The following ZMYM2 variants were observed in gnomAD, a reference collection of about 807,000 sequenced individuals.
ZMYM2 encodes the protein zinc finger MYM-type protein 2.
Under a neutral mutation model 162.8 loss-of-function variants are expected in ZMYM2, and 56 were observed. The observed-to-expected ratio is 0.34, with a 90% CI of 0.28 to 0.43. The LOEUF (loss-of-function observed/expected upper bound fraction) is 0.43. ZMYM2 is among the 20% of genes least tolerant of loss of function. ZMYM2 has a pLI of 1.00. For synonymous variants in ZMYM2, 510 were observed against 541.6 expected, an observed-to-expected ratio of 0.94 and a Z score of 0.81; for missense variants, 1,275 against 1,621.8, an observed-to-expected ratio of 0.79 and a Z score of 3.67.
chr13:19,946,673 C>CAG, the ZMYM2 span, among the ~76,000 whole-genome samples: 3 of 152,174 alleles, frequency 2.0e-5, no homozygotes, highest in African/African-American at 7.2e-5. Flanking sequence ...TGTTGTATCC[C>CAG]TAGCACTTAC....
chr13:19,879,460 A>T, the ZMYM2 span, among the ~76,000 whole-genome samples: 1 of 152,190 alleles, frequency 6.6e-6, no homozygotes, highest in African/African-American at 2.4e-5. Context: ...TAATTTGACC[A>T]TAGCCACAAA....
the ZMYM2 span, among the ~76,000 whole-genome samples, chr13:19,940,492 T>C: frequency 6.6e-6 from 1 of 152,246 alleles, no homozygotes; most frequent in South Asian, 2.1e-4. Context: ...TTCTTTTCCG[T>C]TCTCTACTTT....
the ZMYM2 span, among the ~76,000 whole-genome samples, chr13:19,918,496 T>TA: frequency 1.4e-5 from 1 of 69,934 alleles, no homozygotes; most frequent in Non-Finnish European, 2.6e-5. Context: ...TCTTTCTTTC[T>TA]TTTTTTTTTT....
chr13:20,083,080 G>T (rs1269142353), intron 23 of ZMYM2, 48 bp downstream of exon 23: 1 of 1,482,950 alleles, frequency 6.7e-7, no homozygotes, highest in Non-Finnish European at 9.0e-7. Context: ...AATTTTTTTT[G>T]AGACAGAGTT....
At chr13:20,080,627 C>G (rs1358140850) in intron 21 of ZMYM2, among the ~76,000 whole-genome samples, 1 of 152,058 alleles carries the variant, frequency 6.6e-6, no homozygotes, top group Non-Finnish European at 1.5e-5. Flanking sequence ...GTCGCTGGAG[C>G]TACAGGCACA....
At chr13:20,079,670 T>A (rs932332743) in intron 21 of ZMYM2, among the ~76,000 whole-genome samples, 1 of 148,036 alleles carries the variant, frequency 6.8e-6, no homozygotes, top group Non-Finnish European at 1.5e-5. Context: ...TGTAATTCAT[T>A]CTGTAACAAG....
intron 17 of ZMYM2, among the ~76,000 whole-genome samples, chr13:20,061,488 T>C (rs1002523791): frequency 1.3e-5 from 2 of 152,228 alleles, no homozygotes; most frequent in Non-Finnish European, 2.9e-5. Context: ...AAATTATTCT[T>C]GTTAATGGAG....
At chr13:20,014,946 G>A (rs1398085601) in intron 6 of ZMYM2, among the ~76,000 whole-genome samples, 6 of 151,870 alleles carry the variant, frequency 4.0e-5, no homozygotes, top group Non-Finnish European at 7.4e-5. Flanking sequence ...TGTATTTTTA[G>A]TAGAGATGGG....
intron 2 of ZMYM2, among the ~76,000 whole-genome samples, chr13:19,970,599 CCAAA>C (rs1956221134): frequency 3.0e-5 from 1 of 32,998 alleles, no homozygotes. Context: ...AAACCCCAAA[CCAAA>C]AAAAAAAAAA....
At chr13:19,881,832 A>C in the ZMYM2 span, among the ~76,000 whole-genome samples, 136 of 151,962 alleles carry the variant, frequency 8.9e-4, no homozygotes, top group African/African-American at 3.2e-3. Context: ...TCTAAATAAA[A>C]AATCAGCTGG....
the ZMYM2 span, among the ~76,000 whole-genome samples, chr13:19,912,181 G>A: frequency 6.6e-6 from 1 of 151,828 alleles, no homozygotes; most frequent in South Asian, 2.1e-4. Context: ...TCCACCAGAA[G>A]TAGTTTGCTT....
chr13:20,022,134 T>C (rs1182718409), intron 7 of ZMYM2, among the ~76,000 whole-genome samples: 1 of 152,224 alleles, frequency 6.6e-6, no homozygotes, highest in African/African-American at 2.4e-5. Flanking sequence ...TTTTTGTGTG[T>C]GTGTCTAATT....
At position 19,991,417 on chromosome 13, in the gene ZMYM2, G is replaced by A. The variant is rs111313883; in HGVS notation, c.-10-1646G>A. Among the ~76,000 whole-genome samples, 1,483 of 151,756 alleles carry A rather than the reference G, an allele frequency of 9.8e-3. 17 individuals are homozygous for A. Among genetic ancestry groups the A allele is most frequent in the Non-Finnish European group, 0.017 (1,165 of 67,928 alleles). On this transcript the variant is annotated intron_variant, in intron 2 of 24. Transcript: ENST00000610343. ...TTACAGGTATGAGCCATTGTGTCTG[G>A]CCTGAGGTTATCTTCTTAACTCTGC...
intron 12 of ZMYM2, among the ~76,000 whole-genome samples, chr13:20,040,108 A>T (rs1275361384): frequency 1.3e-5 from 2 of 152,160 alleles, no homozygotes; most frequent in Non-Finnish European, 2.9e-5. Context: ...TCATAGAATG[A>T]GTTAGGGAGA....
intron 2 of ZMYM2, among the ~76,000 whole-genome samples, chr13:19,968,826 A>G (rs1956040317): frequency 6.6e-6 from 1 of 152,236 alleles, no homozygotes; most frequent in African/African-American, 2.4e-5. Context: ...AAACCCTTTT[A>G]AAAAGAAAAA....
intron 2 of ZMYM2, among the ~76,000 whole-genome samples, chr13:19,983,017 T>C (rs896834184): frequency 3.9e-5 from 6 of 152,280 alleles, no homozygotes; most frequent in Non-Finnish European, 7.3e-5. Context: ...TTCTACATAT[T>C]AATTTGTTAT....
At chr13:20,048,704 T>C (rs1429783605) in intron 12 of ZMYM2, among the ~76,000 whole-genome samples, 1 of 151,970 alleles carries the variant, frequency 6.6e-6, no homozygotes, top group Non-Finnish European at 1.5e-5. Flanking sequence ...TTGCCAGTTA[T>C]TGAAAATGAA....
chr13:19,886,944 G>T, the ZMYM2 span, among the ~76,000 whole-genome samples: 1 of 151,462 alleles, frequency 6.6e-6, no homozygotes, highest in African/African-American at 2.4e-5. Context: ...TTACAGACAT[G>T]AGCCACCATG....
At chr13:19,893,601 G>A in the ZMYM2 span, among the ~76,000 whole-genome samples, 3 of 151,652 alleles carry the variant, frequency 2.0e-5, no homozygotes, top group East Asian at 1.9e-4. Context: ...TTAGCCAGGC[G>A]TGGTGGCGGG....
Sources: allele counts gnomAD v4.1 joint callset (sites outside exome capture counted in the v4.1 genomes callset), GRCh38; gene constraint gnomAD v4.1.1; transcripts MANE v1.5; gene names NCBI Gene and HGNC (gene_info 2026-07-23, HGNC 2026-07-21).